The following HERC2 variants were observed in gnomAD, a reference collection of about 807,000 sequenced individuals.
HERC2 encodes the protein HECT and RLD domain containing E3 ubiquitin protein ligase 2, also known as E3 ubiquitin-protein ligase HERC2.
A neutral mutation model predicts 537.7 loss-of-function variants in HERC2; 102 were observed. The observed-to-expected ratio is 0.19, with a 90% CI of 0.16 to 0.22. The LOEUF is 0.22. HERC2 is among the 10% of genes least tolerant of loss of function. HERC2 has a pLI of 1.00. For missense variants in HERC2, 4,236 were observed against 6,198.2 expected (o/e 0.68, Z 10.63); for synonymous variants, 2,224 against 2,466.2 (o/e 0.90, Z 2.91).
At chr15:28,131,097 C>G (rs1252350605) in intron 81 of HERC2, among the ~76,000 whole-genome samples, 1 of 152,214 alleles carries the variant, frequency 6.6e-6, no homozygotes, top group South Asian at 2.1e-4. Flanking sequence ...TCCTCATGAC[C>G]TCTGTGATTG....
chr15:28,275,238 G>A (rs1198664220), intron 5 of HERC2, among the ~76,000 whole-genome samples: 6 of 152,216 alleles, frequency 3.9e-5, no homozygotes, highest in Admixed American at 1.3e-4. Flanking sequence ...AATTTTAAAT[G>A]TCTTGGGAAA....
chr15:28,254,490 T>G lies in HERC2; in HGVS notation c.2900A>C (p.Lys967Thr). Residue 967 changes from lysine (K) to threonine (T), a missense_variant, in exon 20 of 93, where the codon AAG (lysine) becomes ACG (threonine). Coordinates refer to ENST00000261609, the MANE Select transcript of HERC2 (RefSeq NM_004667.6). ...QDIEAKKEAQKEKEIDEQEAN... is the reference protein window; with the variant it reads ...QDIEAKKEAQTEKEIDEQEAN... Reference sequence around the variant, plus strand: ...TTCCTGTTCATCAATTTCTTTTTCCTTCTGTGCTTCTTTTTTGGCTTCAAT... The same window carrying G: ...TTCCTGTTCATCAATTTCTTTTTCCGTCTGTGCTTCTTTTTTGGCTTCAAT... 1 of 1,596,456 alleles carries G rather than the reference T, an allele frequency of 6.3e-7. No homozygotes were observed.
chr15:28,141,794 A>G lies in HERC2; in HGVS notation c.11753T>C (p.Leu3918Pro), dbSNP rs1261325570. 6.2e-7 allele frequency: 1 copy of G among 1,614,210 alleles called. No homozygotes were observed. Among genetic ancestry groups the G allele is most frequent in the Non-Finnish European group, 8.5e-7 (1 of 1,180,034 alleles). Residue 3918 changes from leucine to proline, a missense_variant, in exon 77 of 93, where the codon CTG becomes CCG. By Grantham distance (98) the Leu-to-Pro change is moderately conservative. This residue lies in a region of HERC2 where 156 missense variants were observed against 172.3 expected (regional missense o/e 0.91). Coordinates refer to ENST00000261609, the MANE Select transcript of HERC2 (RefSeq NM_004667.6). ...TTTAAAAATGTCATGGCTCTCATGC[A>G]GAACATCCATGTTTTCGCTGTCTGC... The part of the protein sequence containing the change: ...LMADSENMDV[L>P]HESHDIFKRE...
At chr15:28,139,608 G>T (rs1276430433) in intron 78 of HERC2, among the ~76,000 whole-genome samples, 1 of 152,220 alleles carries the variant, frequency 6.6e-6, no homozygotes, top group African/African-American at 2.4e-5. Flanking sequence ...TACATTACAT[G>T]AGAGTATCTC....
chr15:28,160,295 T>C (rs1893452504), intron 69 of HERC2, among the ~76,000 whole-genome samples: 1 of 152,224 alleles, frequency 6.6e-6, no homozygotes, highest in Admixed American at 6.5e-5. Flanking sequence ...CAGAGGTTTC[T>C]GCTGCCTTTT....
intron 12 of HERC2, among the ~76,000 whole-genome samples, chr15:28,266,852 G>C (rs540993571): frequency 6.6e-6 from 1 of 152,228 alleles, no homozygotes; most frequent in South Asian, 2.1e-4. Flanking sequence ...ACCCAACTGC[G>C]TGCACTTGTC....
Position 28,202,719 on chromosome 15 carries a change from C to A in HERC2, c.7213-105G>T, listed in dbSNP as rs1898038801. 4.0e-5 allele frequency: 17 copies of A among 420,080 alleles called. No homozygotes were observed. In the South Asian group the frequency reaches 4.4e-4, roughly 11 times the overall value. The allele number at this position is 420,080 out of a possible 1,614,324, so 26.0% of individuals were successfully genotyped here. On this transcript the variant is annotated intron_variant, in intron 45 of 92. Coordinates refer to ENST00000261609, the MANE Select transcript of HERC2 (RefSeq NM_004667.6). ...GCCTTCTACTGTGAACTGCAGTATG[C>A]AAGTCTAGAAAGCCCGCATTCACAT...
chr15:28,309,277 T>A (rs1356944162), intron 2 of HERC2, among the ~76,000 whole-genome samples: 56 of 152,342 alleles, frequency 3.7e-4, no homozygotes, highest in African/African-American at 1.2e-3. Flanking sequence ...CCTCCATCTA[T>A]TAATGTGTTA....
intron 23 of HERC2, among the ~76,000 whole-genome samples, chr15:28,242,833 T>G (rs1012551915): frequency 6.6e-6 from 1 of 152,202 alleles, no homozygotes; most frequent in African/African-American, 2.4e-5. Context: ...AGGAAAAGCA[T>G]GTGATGAAAC....
At chr15:28,116,889 C>T in intron 87 of HERC2, 30 bp from the exon 88 acceptor site, 1 of 1,607,996 alleles carries the variant, frequency 6.2e-7, no homozygotes, top group Non-Finnish European at 8.5e-7. Context: ...ACTCGAAGTC[C>T]CCTCACACAG....
chr15:28,168,494 C>T lies in HERC2; in HGVS notation c.10326G>A (p.Met3442Ile), dbSNP rs61754657. 7.9e-3 allele frequency: 12,738 copies of T among 1,614,124 alleles called. 840 individuals are homozygous for T. In the African/African-American group the frequency reaches 0.15, roughly 19 times the overall value. ...ATTCTTCTCCATTCATGGGACTAGC[C>T]ATCGCAGATGCGTCGGAAGGGGCCG... Reference protein sequence around the residue: ...SSAAPSDASAMASPMNGEECM... With the variant: ...SSAAPSDASAIASPMNGEECM... Residue 3442 changes from methionine (M) to isoleucine (I), a missense_variant, in exon 67 of 93, where the codon ATG becomes ATA. This residue lies in a region of HERC2 where 356 missense variants were observed against 450.9 expected (regional missense o/e 0.79). Coordinates refer to ENST00000261609, the MANE Select transcript of HERC2 (RefSeq NM_004667.6).
intron 42 of HERC2, 59 bp downstream of exon 42, chr15:28,213,683 G>C (rs992254206): frequency 1.9e-6 from 3 of 1,611,124 alleles, no homozygotes; most frequent in South Asian, 1.1e-5. Flanking sequence ...GCTGGTGCTC[G>C]GTTCTAGTGT....
chr15:28,149,724 TA>T (rs1201877762), intron 70 of HERC2, among the ~76,000 whole-genome samples: 4 of 151,324 alleles, frequency 2.6e-5, no homozygotes, highest in African/African-American at 7.3e-5. Flanking sequence ...CACGTTCTAG[TA>T]AAATTACCGA....
intron 16 of HERC2, among the ~76,000 whole-genome samples, chr15:28,259,523 A>G (rs10152818): frequency 0.023 from 3,442 of 152,332 alleles, 127 homozygotes; most frequent in African/African-American, 0.079. Flanking sequence ...AATATTTTGT[A>G]TAAGGTCAGC....
chr15:28,162,767 T>C (rs770706698), intron 69 of HERC2, among the ~76,000 whole-genome samples: 8 of 152,148 alleles, frequency 5.3e-5, no homozygotes, highest in Non-Finnish European at 1.0e-4. Flanking sequence ...GGTGGGCACC[T>C]GTAGTCCCAG....
At chr15:28,136,497 G>C (rs1230943866) in intron 78 of HERC2, among the ~76,000 whole-genome samples, 1 of 152,204 alleles carries the variant, frequency 6.6e-6, no homozygotes, top group Admixed American at 6.5e-5. Context: ...ATAGAAAGTG[G>C]GGCTCCAAAG....
rs1490491189 is a variant in HERC2, at chr15:28,246,038, A to G, written c.3420T>C (p.Ser1140=). Reference sequence around the variant, plus strand: ...CATTTTTACTGAGCAGAAGCACTATAGAAACTACTAGTTCTGGAAGGAGAA... The same window carrying G: ...CATTTTTACTGAGCAGAAGCACTATGGAAACTACTAGTTCTGGAAGGAGAA... ...TGVLLPELVV[S]IVLLLSKNAG... Residue 1140 remains serine (S), a synonymous_variant, in exon 23 of 93, where the codon TCT becomes TCC. Coordinates refer to ENST00000261609, the MANE Select transcript of HERC2 (RefSeq NM_004667.6). The G allele has an allele frequency of 1.2e-6, 2 of 1,610,754 alleles. No individual in the cohort carries two copies. Among genetic ancestry groups the G allele is most frequent in the Non-Finnish European group, 1.7e-6 (2 of 1,177,868 alleles).
intron 30 of HERC2, 26 bp from the exon 31 acceptor site, chr15:28,230,526 TA>T: frequency 3.6e-6 from 4 of 1,098,796 alleles, no homozygotes; most frequent in Non-Finnish European, 5.4e-6. Context: ...TCATTCACTA[TA>T]AAAATCATAC....
intron 70 of HERC2, among the ~76,000 whole-genome samples, chr15:28,146,682 G>A (rs1053629991): frequency 6.6e-6 from 1 of 150,964 alleles, no homozygotes; most frequent in African/African-American, 2.5e-5. Context: ...CCAGTGTGCA[G>A]CCAAGTCAGA....
Sources: allele counts gnomAD v4.1 joint callset (sites outside exome capture counted in the v4.1 genomes callset), GRCh38; gene constraint gnomAD v4.1.1; regional missense constraint gnomAD v4.1.1; transcripts MANE v1.5; gene names NCBI Gene and HGNC (gene_info 2026-07-23, HGNC 2026-07-21).